Variants in CPNE4 observed in about 807,000 individuals in gnomAD.
CPNE4 encodes the protein copine 4, also known as copine-4.
CPNE4 carries 25 observed loss-of-function variants against 67.9 expected under a neutral mutation model. The observed-to-expected ratio is 0.37, with a 90% CI of 0.27 to 0.51. The LOEUF is 0.51. Ranked by LOEUF, CPNE4 falls within the 20% of genes least tolerant of loss-of-function variation. The pLI is 0.93. For missense variants in CPNE4, 464 were observed against 690.8 expected, an observed-to-expected ratio of 0.67 and a Z score of 3.68; for synonymous variants, 242 against 244.9, an observed-to-expected ratio of 0.99 and a Z score of 0.11.
upstream of CPNE4, chr3:132,037,674 G>A (rs1462971708): frequency 3.5e-6 from 5 of 1,416,010 alleles, no homozygotes; most frequent in East Asian, 9.9e-5. Context: ...AGTTGCAAAG[G>A]AAGCTTCAGC....
chr3:131,555,360 T>C (rs1381958909), intron 12 of CPNE4, 137 bp downstream of exon 12: 1 of 669,566 alleles, frequency 1.5e-6, no homozygotes, highest in Non-Finnish European at 2.6e-6. Context: ...TCACTGATTC[T>C]GAAGACAATT....
At chr3:131,710,995 G>T (rs977635260) in intron 3 of CPNE4, among the ~76,000 whole-genome samples, 1 of 152,170 alleles carries the variant, frequency 6.6e-6, no homozygotes, top group African/African-American at 2.4e-5. Flanking sequence ...CCAAGCTCAT[G>T]ATTGCCTGGC....
intron 7 of CPNE4, among the ~76,000 whole-genome samples, chr3:131,642,044 T>C (rs143544334): frequency 2.0e-5 from 3 of 152,196 alleles, no homozygotes; most frequent in African/African-American, 4.8e-5. Context: ...AGACTACACA[T>C]TGGATACAGT....
chr3:131,976,888 G>C (rs765066892), intron 1 of CPNE4, among the ~76,000 whole-genome samples: 1 of 151,222 alleles, frequency 6.6e-6, no homozygotes. Context: ...TGCAATCTCT[G>C]CCTCCAGGGT....
chr3:131,608,109 C>T (rs1263376404), intron 7 of CPNE4, among the ~76,000 whole-genome samples: 3 of 152,084 alleles, frequency 2.0e-5, no homozygotes, highest in African/African-American at 7.2e-5. Context: ...ACATTAGTGT[C>T]TTGTGAAAGA....
chr3:131,944,795 T>G (rs2107867858), intron 1 of CPNE4, among the ~76,000 whole-genome samples: 1 of 152,232 alleles, frequency 6.6e-6, no homozygotes, highest in African/African-American at 2.4e-5. Flanking sequence ...TTCCAAAAGC[T>G]TCAAATGCCA....
chr3:131,690,640 T>C (rs914522182), intron 5 of CPNE4, among the ~76,000 whole-genome samples: 2 of 152,010 alleles, frequency 1.3e-5, no homozygotes, highest in Non-Finnish European at 2.9e-5. Context: ...GCAAAGAATT[T>C]ATGTCGAAGT....
intron 2 of CPNE4, among the ~76,000 whole-genome samples, chr3:131,832,023 G>A (rs1268215962): frequency 6.6e-6 from 1 of 152,166 alleles, no homozygotes; most frequent in African/African-American, 2.4e-5. Context: ...TAGTTTTAAT[G>A]ACCAAAATAC....
chr3:131,603,234 G>T (rs1227700977), intron 7 of CPNE4, among the ~76,000 whole-genome samples: 1 of 151,886 alleles, frequency 6.6e-6, no homozygotes, highest in Non-Finnish European at 1.5e-5. Flanking sequence ...GTATATAGAA[G>T]AACAGCAAAA....
chr3:132,020,966 C>A (rs1277224451), intron 1 of CPNE4, among the ~76,000 whole-genome samples: 1 of 152,158 alleles, frequency 6.6e-6, no homozygotes, highest in Admixed American at 6.5e-5. Flanking sequence ...CTCTTAAATC[C>A]CCTTTTTTCT....
chr3:131,814,160 A>C (rs2084640652), intron 2 of CPNE4, among the ~76,000 whole-genome samples: 1 of 152,236 alleles, frequency 6.6e-6, no homozygotes, highest in African/African-American at 2.4e-5. Context: ...AGGACAACTT[A>C]GGTAATTCTC....
At chr3:131,927,246 C>A (rs958695399) in intron 1 of CPNE4, among the ~76,000 whole-genome samples, 2 of 152,238 alleles carry the variant, frequency 1.3e-5, no homozygotes, top group Non-Finnish European at 2.9e-5. Context: ...AGTCATGCAT[C>A]TGTCTGTCAT....
intron 2 of CPNE4, among the ~76,000 whole-genome samples, chr3:131,806,794 G>T (rs1053162450): frequency 3.3e-5 from 5 of 152,172 alleles, no homozygotes; most frequent in African/African-American, 1.2e-4. Flanking sequence ...GGAGAACGAG[G>T]TGGTAGCATG....
chr3:132,006,146 G>A (rs1372154489), intron 1 of CPNE4, among the ~76,000 whole-genome samples: 1 of 152,024 alleles, frequency 6.6e-6, no homozygotes, highest in Non-Finnish European at 1.5e-5. Flanking sequence ...TACTAACACA[G>A]AACTTGTTCC....
intron 2 of CPNE4, among the ~76,000 whole-genome samples, chr3:131,857,445 T>C (rs1176289099): frequency 6.6e-6 from 1 of 151,984 alleles, no homozygotes; most frequent in Non-Finnish European, 1.5e-5. Context: ...CTAGGGTTGG[T>C]AAATGTTTGG....
At chr3:131,726,786 G>A (rs1389840877) in intron 2 of CPNE4, among the ~76,000 whole-genome samples, 1 of 152,060 alleles carries the variant, frequency 6.6e-6, no homozygotes, top group African/African-American at 2.4e-5. Flanking sequence ...TTCTGATTTA[G>A]TGAGTATATG....
chr3:131,555,578 A>G (rs773694748), intron 11 of CPNE4, 27 bp from the exon 12 acceptor site: 3 of 1,602,582 alleles, frequency 1.9e-6, no homozygotes, highest in Non-Finnish European at 2.6e-6. Context: ...GAAAAGAAAA[A>G]ACAAGAAGTT....
At chr3:131,737,043 C>T (rs940895058) in intron 2 of CPNE4, among the ~76,000 whole-genome samples, 2 of 151,364 alleles carry the variant, frequency 1.3e-5, no homozygotes, top group African/African-American at 4.9e-5. Context: ...CCTTTTTCTC[C>T]TTTCCATTCT....
chr3:131,561,577 C>A (rs1046258368), intron 11 of CPNE4, among the ~76,000 whole-genome samples: 1 of 151,932 alleles, frequency 6.6e-6, no homozygotes, highest in African/African-American at 2.4e-5. Flanking sequence ...TCATGGATCA[C>A]CTCATAATGA....
Sources: gnomAD v4.1 joint callset for allele counts (sites outside exome capture counted in the v4.1 genomes callset) on GRCh38, gnomAD v4.1.1 for gene constraint, MANE v1.5 for transcripts, NCBI Gene and HGNC (gene_info 2026-07-23, HGNC 2026-07-21) for gene names.